Variants in LANCL1 observed in about 807,000 individuals in gnomAD.
The protein encoded by LANCL1 is glutathione S-transferase LANCL1.
Under a neutral mutation model 50.6 loss-of-function variants are expected in LANCL1, and 50 were observed. The observed-to-expected ratio is 0.99, with a 90% confidence interval of 0.79 to 1.25. The LOEUF is 1.25. LANCL1 is among the 50% of genes most tolerant of loss of function. LANCL1 has a pLI of 0.00. For missense variants in LANCL1, 532 were observed against 480.7 expected (o/e 1.11, Z -1.00); for synonymous variants, 188 against 178.6 (o/e 1.05, Z -0.42).
intron 4 of LANCL1, among the ~76,000 whole-genome samples, chr2:210,451,630 T>C (rs1693514218): frequency 6.6e-6 from 1 of 152,188 alleles, no homozygotes; most frequent in African/African-American, 2.4e-5. Flanking sequence ...CTTATCTCTA[T>C]TTTACAAATG....
At chr2:210,457,192 G>A (rs769687855) in intron 3 of LANCL1, among the ~76,000 whole-genome samples, 6 of 152,148 alleles carry the variant, frequency 3.9e-5, no homozygotes, top group Non-Finnish European at 8.8e-5. Context: ...TTTAAGTGGT[G>A]AGTGCTGCTG....
At chr2:210,437,532 G>A (rs1692975196) in intron 7 of LANCL1, among the ~76,000 whole-genome samples, 158 bp downstream of exon 7, 2 of 152,170 alleles carry the variant, frequency 1.3e-5, no homozygotes, top group Admixed American at 6.5e-5. Context: ...CTATGGTACA[G>A]ATAGATGGTG....
intron 4 of LANCL1, among the ~76,000 whole-genome samples, chr2:210,449,392 T>A (rs1046101617): frequency 6.6e-6 from 1 of 152,140 alleles, no homozygotes; most frequent in Non-Finnish European, 1.5e-5. Flanking sequence ...CCACAGCCAA[T>A]ATCATACTGA....
In LANCL1 at chr2:210,471,955, A is replaced by C; in HGVS notation, c.199+4T>G. 6.2e-7 allele frequency: 1 copy of C among 1,602,708 alleles called. No homozygotes were observed. The highest frequency in any genetic ancestry group is 8.6e-7 in the Non-Finnish European group (1 of 1,169,578). ...TATGCCAGCTCACAGTCAGCACTTCATACCTGCCCAGCCAGTGTAACCGGT... is the reference window on the plus strand; with the variant it reads ...TATGCCAGCTCACAGTCAGCACTTCCTACCTGCCCAGCCAGTGTAACCGGT... On this transcript the variant is annotated splice_donor_region_variant and intron_variant, in intron 3 of 9. Transcript: ENST00000450366.
At chr2:210,446,314 A>C (rs1693328017) in intron 4 of LANCL1, among the ~76,000 whole-genome samples, 1 of 152,174 alleles carries the variant, frequency 6.6e-6, no homozygotes, top group South Asian at 2.1e-4. Flanking sequence ...GATCAATATC[A>C]ACAAAAAGGA....
At chr2:210,435,695 C>T (rs909256879) in intron 8 of LANCL1, among the ~76,000 whole-genome samples, 9 of 152,046 alleles carry the variant, frequency 5.9e-5, no homozygotes, top group African/African-American at 1.9e-4. Context: ...CACAAAATCA[C>T]CCTACATCTT....
At chr2:210,466,203 CAA>C (rs994357339) in intron 3 of LANCL1, among the ~76,000 whole-genome samples, 4 of 152,122 alleles carry the variant, frequency 2.6e-5, no homozygotes, top group African/African-American at 9.7e-5. Context: ...ACCCAGAACC[CAA>C]GAGTTCAACA....
Position 210,435,088 on chromosome 2 carries a change from G to A in LANCL1, c.1123+299C>T, listed in dbSNP as rs553069830. 2.9e-4 allele frequency among the ~76,000 whole-genome samples: 44 copies of A among 152,014 alleles called. 1 individual carries two copies. The highest frequency in any genetic ancestry group is 1.1e-3 in the Admixed American group (17 of 15,254). The stretch of plus-strand genomic sequence containing the variant: ...TAAGCTCCTGAGCCTCAGTCTCCTC[G>A]GCTATGACATGAAGGTAGTAGTGCC... On this transcript the variant is annotated intron_variant, in intron 9 of 9. Transcript: ENST00000450366.
intron 3 of LANCL1, among the ~76,000 whole-genome samples, chr2:210,459,523 T>C (rs1019984285): frequency 1.3e-5 from 2 of 152,154 alleles, no homozygotes; most frequent in Non-Finnish European, 2.9e-5. Context: ...ATCTTAGTCA[T>C]GCTAGCCACA....
intron 9 of LANCL1, 141 bp downstream of exon 9, chr2:210,435,246 T>G: frequency 3.1e-6 from 2 of 642,148 alleles, no homozygotes; most frequent in Non-Finnish European, 5.4e-6. Flanking sequence ...TGATTTTTAA[T>G]ATCGATTTAG....
intron 6 of LANCL1, 33 bp from the exon 7 acceptor site, chr2:210,437,905 G>A: frequency 6.6e-7 from 1 of 1,505,864 alleles, no homozygotes; most frequent in East Asian, 2.3e-5. Context: ...TAGTTCTGCT[G>A]AAGCAAATAA....
chr2:210,448,945 A>G (rs1175047979), intron 4 of LANCL1, among the ~76,000 whole-genome samples: 1 of 152,192 alleles, frequency 6.6e-6, no homozygotes, highest in Non-Finnish European at 1.5e-5. Flanking sequence ...AGCTGGTACC[A>G]TTCCTTCTGA....
chr2:210,444,905 A>G (rs1210136499), intron 4 of LANCL1, among the ~76,000 whole-genome samples: 1 of 152,064 alleles, frequency 6.6e-6, no homozygotes, highest in African/African-American at 2.4e-5. Context: ...TTTGAATACG[A>G]ATTTTAAATT....
chr2:210,451,708 C>T (rs760980906), intron 4 of LANCL1, among the ~76,000 whole-genome samples: 5 of 152,112 alleles, frequency 3.3e-5, no homozygotes, highest in South Asian at 2.1e-4. Context: ...ATTCCAAAGC[C>T]CCCATAGCAC....
chr2:210,435,893 CTTTTTTTTTTTTTTT>C (rs71043994), intron 8 of LANCL1, among the ~76,000 whole-genome samples: 1 of 64,228 alleles, frequency 1.6e-5, no homozygotes, highest in Admixed American at 2.3e-4. Context: ...GGGAGACCTG[CTTTTTTTTTTTTTTT>C]TTTTTTTTTT....
chr2:210,455,081 T>G, intron 4 of LANCL1, 26 bp downstream of exon 4: 1 of 1,573,104 alleles, frequency 6.4e-7, no homozygotes, highest in Non-Finnish European at 8.7e-7. Context: ...TGCTAGAAAA[T>G]AATCCTCATA....
chr2:210,441,668 T>C (rs4673527), intron 4 of LANCL1, among the ~76,000 whole-genome samples: 150,393 of 152,258 alleles, frequency 0.99, 74,297 homozygotes, highest in East Asian at 1. Context: ...AGAATACAAA[T>C]GTATGGCTGA....
At chr2:210,467,308 T>C (rs151308885) in intron 3 of LANCL1, among the ~76,000 whole-genome samples, 225 of 152,312 alleles carry the variant, frequency 1.5e-3, no homozygotes, top group South Asian at 5.6e-3. Context: ...CGATGTATTT[T>C]TGCAAAGTTA....
intron 3 of LANCL1, among the ~76,000 whole-genome samples, chr2:210,460,145 T>G (rs1471294136): frequency 6.6e-6 from 1 of 152,210 alleles, no homozygotes; most frequent in Non-Finnish European, 1.5e-5. Context: ...TACAGATTAT[T>G]CCTCAACATT....
Sources: allele counts gnomAD v4.1 joint callset (sites outside exome capture counted in the v4.1 genomes callset), GRCh38; gene constraint gnomAD v4.1.1; transcripts MANE v1.5; gene names NCBI Gene and HGNC (gene_info 2026-07-23, HGNC 2026-07-21).